FBXO30: variants seen among roughly 807,000 people sequenced by gnomAD.
The protein encoded by FBXO30 is F-box only protein 30.
FBXO30 carries 21 observed loss-of-function variants against 58.1 expected under a neutral mutation model. The observed-to-expected ratio is 0.36, with a 90% CI of 0.26 to 0.52. The LOEUF is 0.52. Among genes scored for constraint, FBXO30 ranks in the 20% least tolerant of loss-of-function variants. The probability of loss-of-function intolerance (pLI) is 0.93; values close to 1 mark genes in which losing one functional copy is unlikely to be tolerated. For synonymous variants in FBXO30, 309 were observed against 312.4 expected, an observed-to-expected ratio of 0.99 and a Z score of 0.11; for missense variants, 744 against 897.3, an observed-to-expected ratio of 0.83 and a Z score of 2.18.
In FBXO30 at chr6:145,805,282, A is replaced by G; in HGVS notation, c.1124T>C (p.Val375Ala). The G allele has an allele frequency of 6.2e-7, 1 of 1,614,108 alleles. No individual in the cohort carries two copies. The highest frequency in any genetic ancestry group is 8.5e-7 in the Non-Finnish European group (1 of 1,179,974). The change falls in exon 2 of 3, where the codon GTG (valine) becomes GCG (alanine). Residue 375 changes from valine to alanine, a missense_variant. Val to Ala is a moderately conservative substitution (Grantham distance 64, BLOSUM62 0). Transcript: ENST00000237281. Reference sequence around the variant, plus strand: ...GAAAGATAAGACATCCACATTCTTCACGTCCCCTAAGTCTACTTTTTTCCA... The same window carrying G: ...GAAAGATAAGACATCCACATTCTTCGCGTCCCCTAAGTCTACTTTTTTCCA... ...LCWKKVDLGD[V>A]KNVDVLSFSH...
rs767662292 is a variant in FBXO30, at chr6:145,806,444, A to G, written c.-16-23T>C. 3.2e-6 allele frequency: 5 copies of G among 1,571,924 alleles called. No individual in the cohort carries two copies. The Admixed American group carries it at 5.6e-5, about 18-fold the overall frequency. ...GCTCTGGTTGATGAAATGGAAAAAG[A>G]TAAGAAATTAGCCAAAAAATGGTTG... is the stretch of plus-strand genomic sequence containing the variant. On this transcript the variant is annotated intron_variant, in intron 1 of 2. Coordinates refer to ENST00000237281, the MANE Select transcript of FBXO30 (RefSeq NM_032145.5).
At chr6:145,813,092 A>G (rs1173779409) in intron 1 of FBXO30, among the ~76,000 whole-genome samples, 1 of 152,188 alleles carries the variant, frequency 6.6e-6, no homozygotes, top group Non-Finnish European at 1.5e-5. Flanking sequence ...ACCAATGCCT[A>G]TTTTGGTGAC....
At position 145,805,201 on chromosome 6, in the gene FBXO30, T is replaced by A; in HGVS notation, c.1205A>T (p.Glu402Val). 3.1e-6 allele frequency: 5 copies of A among 1,614,076 alleles called. No individual in the cohort carries two copies. The highest frequency in any genetic ancestry group is 4.2e-6 in the Non-Finnish European group (5 of 1,179,970). The part of the protein sequence containing the change: ...LSNSCWSKPK[E>V]DKAVDTSDLE... ...ATCTGATGTATCTACTGCTTTATCT[T>A]CCTTTGGTTTAGACCAACATGAATT... is the stretch of plus-strand genomic sequence containing the variant. Residue 402 changes from glutamate to valine, a missense_variant, in exon 2 of 3, where the codon GAA becomes GTA. Around this residue, in one of 3 missense-constraint regions of FBXO30, gnomAD observed 334 missense variants for 433.7 expected, o/e 0.77. Transcript: ENST00000237281.
chr6:145,812,388 G>A (rs540287346), intron 1 of FBXO30, among the ~76,000 whole-genome samples: 2 of 152,186 alleles, frequency 1.3e-5, no homozygotes, highest in South Asian at 4.1e-4. Flanking sequence ...ACTCGGACTA[G>A]AACCTATTTG....
In FBXO30 at chr6:145,805,293, G is replaced by A. The variant is rs776272889; in HGVS notation, c.1113C>T (p.Asp371=). 4 of 1,614,022 alleles carry A rather than the reference G, an allele frequency of 2.5e-6. No homozygotes were observed. In the South Asian group the frequency reaches 4.4e-5, roughly 18 times the overall value. ...CATCCACATTCTTCACGTCCCCTAA[G>A]TCTACTTTTTTCCAACACAATTCAC... ...GEGELCWKKV[D]LGDVKNVDVL... is the part of the protein sequence containing the mutation. Residue 371 remains aspartate (D), a synonymous_variant, in exon 2 of 3, where the codon GAC becomes GAT. Coordinates refer to ENST00000237281, the MANE Select transcript of FBXO30 (RefSeq NM_032145.5).
chr6:145,807,593 C>T (rs1562246571), intron 1 of FBXO30, among the ~76,000 whole-genome samples: 1 of 152,112 alleles, frequency 6.6e-6, no homozygotes, highest in African/African-American at 2.4e-5. Flanking sequence ...GAATTTTAAG[C>T]AGAGAAATAG....
chr6:145,797,802 A>G lies in FBXO30; in HGVS notation c.*2304T>C, dbSNP rs1777893535. ...CCCGATGCTTGCCTTTTACCTTGCT[A>G]TTTAGCAAAGACTAAGGAATCAATG... On this transcript the variant is annotated 3_prime_UTR_variant, in exon 3 of 3. Coordinates refer to ENST00000237281, the MANE Select transcript of FBXO30 (RefSeq NM_032145.5). 6.6e-6 allele frequency: 1 copy of G among 152,080 alleles called. No individual in the cohort carries two copies. The highest frequency in any genetic ancestry group is 2.4e-5 in the African/African-American group (1 of 41,446). 9.4% of individuals were successfully genotyped at this position (152,080 alleles called of 1,614,324 possible). A position where few individuals can be genotyped will look rare whatever the true frequency, so the allele number is the denominator to read the frequency against.
Position 145,806,232 on chromosome 6 carries a change from C to A in FBXO30, c.174G>T (p.Val58=). 1 of 1,614,094 alleles carries A rather than the reference C, an allele frequency of 6.2e-7. No individual in the cohort carries two copies. Among genetic ancestry groups the A allele is most frequent in the South Asian group, 1.1e-5 (1 of 91,090 alleles). The stretch of plus-strand genomic sequence containing the variant: ...ATCCAAAGTCACTATTTAAGCAAGG[C>A]ACTCGTTCAAATGGACATAAAAGTC... ...EHRLLCPFER[V]PCLNSDFGCP... Residue 58 remains valine, a synonymous_variant, in exon 2 of 3, where the codon GTG becomes GTT. Coordinates refer to ENST00000237281, the MANE Select transcript of FBXO30 (RefSeq NM_032145.5).
Position 145,804,859 on chromosome 6 carries a change from C to A in FBXO30, c.1547G>T (p.Arg516Leu). The A allele has an allele frequency of 1.2e-6, 2 of 1,613,868 alleles. No homozygotes were observed. Among genetic ancestry groups the A allele is most frequent in the Non-Finnish European group, 1.7e-6 (2 of 1,179,892 alleles). Reference protein sequence around the residue: ...ECVARYQPKQRSMFTFVCGQL... With the variant: ...ECVARYQPKQLSMFTFVCGQL... ...TCCACACACAAAGGTAAACATTGAA[C>A]GCTGCTTGGGTTGGTACCTAGCGAC... The change falls in exon 2 of 3, where the codon CGT (arginine) becomes CTT (leucine). Residue 516 changes from arginine (R) to leucine (L), a missense_variant. Coordinates refer to ENST00000237281, the MANE Select transcript of FBXO30 (RefSeq NM_032145.5).
chr6:145,807,993 A>G (rs1369481338), intron 1 of FBXO30, among the ~76,000 whole-genome samples: 1 of 152,008 alleles, frequency 6.6e-6, no homozygotes, highest in Non-Finnish European at 1.5e-5. Flanking sequence ...TTAGCCAGGC[A>G]TAGTGACATG....
At chr6:145,812,032 G>T (rs188538736) in intron 1 of FBXO30, 2 of 151,994 alleles carry the variant, frequency 1.3e-5, no homozygotes, top group Non-Finnish European at 2.9e-5. Flanking sequence ...GGGTTGGGGG[G>T]CGGTGGTTAG....
chr6:145,805,191 T>A lies in FBXO30; in HGVS notation c.1215A>T (p.Ala405=). 1 of 1,614,108 alleles carries A rather than the reference T, an allele frequency of 6.2e-7. No homozygotes were observed. Among genetic ancestry groups the A allele is most frequent in the Non-Finnish European group, 8.5e-7 (1 of 1,179,970 alleles). ...CAACTTCCAAATCTGATGTATCTAC[T>A]GCTTTATCTTCCTTTGGTTTAGACC... ...SCWSKPKEDK[A]VDTSDLEVAE... Residue 405 remains alanine, a synonymous_variant, in exon 2 of 3, where the codon GCA becomes GCT. Coordinates refer to ENST00000237281, the MANE Select transcript of FBXO30 (RefSeq NM_032145.5).
chr6:145,813,392 A>T (rs1373336697), intron 1 of FBXO30, among the ~76,000 whole-genome samples: 1 of 152,194 alleles, frequency 6.6e-6, no homozygotes, highest in Non-Finnish European at 1.5e-5. Context: ...TTAAAAAGTC[A>T]GCAAAACACC....
intron 2 of FBXO30, 72 bp downstream of exon 2, chr6:145,804,296 TATTA>T (rs1448153697): frequency 7.9e-7 from 1 of 1,258,016 alleles, no homozygotes; most frequent in Non-Finnish European, 1.1e-6. Flanking sequence ...CTCAACAAGA[TATTA>T]ATTGTATTAA....
chr6:145,801,999 C>T (rs1778013632), intron 2 of FBXO30, among the ~76,000 whole-genome samples: 1 of 152,086 alleles, frequency 6.6e-6, no homozygotes, highest in African/African-American at 2.4e-5. Context: ...ATCTTTCACT[C>T]AAGTATGCAT....
At chr6:145,808,465 C>A (rs1166075730) in intron 1 of FBXO30, among the ~76,000 whole-genome samples, 1 of 152,112 alleles carries the variant, frequency 6.6e-6, no homozygotes, top group African/African-American at 2.4e-5. Context: ...CTTTCTCCTA[C>A]CCTTAGTCTT....
At chr6:145,812,127 T>C (rs1778350280) in intron 1 of FBXO30, among the ~76,000 whole-genome samples, 2 of 152,212 alleles carry the variant, frequency 1.3e-5, no homozygotes, top group South Asian at 4.1e-4. Flanking sequence ...TTACAATGTG[T>C]ACATTCTTTT....
rs1777884146 is a variant in FBXO30, at chr6:145,797,312, CATAT to C, written c.*2790_*2793del. On this transcript the variant is annotated 3_prime_UTR_variant, in exon 3 of 3. Transcript: ENST00000237281. The stretch of plus-strand genomic sequence containing the variant: ...TCATATGGCTGTAAAATTGAGACAA[CATAT>C]ATAGTTTAACCATTAATAAATTACC... 1 of 151,970 alleles carries C rather than the reference CATAT, an allele frequency of 6.6e-6. No individual in the cohort carries two copies. Among genetic ancestry groups the C allele is most frequent in the African/African-American group, 2.4e-5 (1 of 41,402 alleles). The allele number at this position is 151,970 out of a possible 1,614,324, so 9.4% of individuals were successfully genotyped here.
Position 145,799,652 on chromosome 6 carries a change from AATG to A in FBXO30, c.*451_*453del, listed in dbSNP as rs10581239. 0.011 allele frequency: 1,655 copies of A among 153,456 alleles called. 13 individuals carry two copies. Among genetic ancestry groups the A allele is most frequent in the Admixed American group, 0.017 (267 of 15,332 alleles). 9.5% of individuals were successfully genotyped at this position (153,456 alleles called of 1,614,324 possible). A position where few individuals can be genotyped will look rare whatever the true frequency, so the allele number is the denominator to read the frequency against. On this transcript the variant is annotated 3_prime_UTR_variant, in exon 3 of 3. Coordinates refer to ENST00000237281, the MANE Select transcript of FBXO30 (RefSeq NM_032145.5). ...AAGCACTAAAAGACAAAAACATTAT[AATG>A]ATATTATGGCAGTGCTTAACAAATT...
Sources: allele counts gnomAD v4.1 joint callset (sites outside exome capture counted in the v4.1 genomes callset), GRCh38; gene constraint gnomAD v4.1.1; regional missense constraint gnomAD v4.1.1; transcripts MANE v1.5; gene names NCBI Gene and HGNC (gene_info 2026-07-23, HGNC 2026-07-21).